Variants in NKAIN2 observed in about 807,000 individuals in gnomAD.
NKAIN2 encodes the protein sodium/potassium transporting ATPase interacting 2.
A neutral mutation model predicts 32.6 loss-of-function variants in NKAIN2; 14 were observed. The ratio of observed to expected loss-of-function variants is 0.43; its 90% confidence interval spans 0.28 to 0.67. The LOEUF (loss-of-function observed/expected upper bound fraction) is 0.67, where lower values mean the gene tolerates loss of function less well. NKAIN2 is among the 30% of genes least tolerant of loss of function. The pLI is 0.17. For synonymous variants in NKAIN2, 80 were observed against 87.2 expected (o/e 0.92, Z 0.46); for missense variants, 198 against 258.3 (o/e 0.77, Z 1.60).
chr6:124,477,180 A>C (rs1777252700), intron 3 of NKAIN2, among the ~76,000 whole-genome samples: 1 of 152,222 alleles, frequency 6.6e-6, no homozygotes, highest in South Asian at 2.1e-4. Context: ...AAGTAAGGAG[A>C]ATATAAGAGC....
intron 1 of NKAIN2, among the ~76,000 whole-genome samples, chr6:124,259,577 G>C (rs1794125738): frequency 6.6e-6 from 1 of 152,152 alleles, no homozygotes; most frequent in Non-Finnish European, 1.5e-5. Context: ...TATTCAGTAA[G>C]TGCTTGCTTT....
intron 1 of NKAIN2, among the ~76,000 whole-genome samples, chr6:124,223,800 C>A (rs1213601499): frequency 6.6e-6 from 1 of 152,124 alleles, no homozygotes; most frequent in African/African-American, 2.4e-5. Flanking sequence ...TCCAGTGAGT[C>A]ATCTGCCTAC....
At position 124,058,832 on chromosome 6, in the gene NKAIN2, T is replaced by G. The variant is rs190296231; in HGVS notation, c.55-224173T>G. On this transcript the variant is annotated intron_variant, in intron 1 of 6. Transcript: ENST00000368417. ...ATAGCCTGCTCACTCATTTGCATAT[T>G]GTCTCTGGCTGCTTTCTTGCTACCG... 2.2e-4 allele frequency among the ~76,000 whole-genome samples: 34 copies of G among 152,258 alleles called. No homozygotes were observed. In the East Asian group the frequency reaches 6.0e-3, roughly 27 times the overall value.
chr6:124,226,245 A>G (rs1378073960), intron 1 of NKAIN2, among the ~76,000 whole-genome samples: 1 of 152,058 alleles, frequency 6.6e-6, no homozygotes, highest in Non-Finnish European at 1.5e-5. Flanking sequence ...TCTTCTAGTG[A>G]TAGACTTCTT....
rs545854454 is a variant in NKAIN2, at chr6:124,047,133, A to T, written c.55-235872A>T. ...CTTTTTTGTTAACCCTTTACAATCC[A>T]ATTACTTTACTGTCCTGGAAGACTC... On this transcript the variant is annotated intron_variant, in intron 1 of 6. Transcript: ENST00000368417. Among the ~76,000 whole-genome samples, 8 of 152,046 alleles carry T rather than the reference A, an allele frequency of 5.3e-5. No homozygotes were observed. In the South Asian group the frequency reaches 8.3e-4, roughly 16 times the overall value.
chr6:124,251,013 A>G (rs939118165), intron 1 of NKAIN2, among the ~76,000 whole-genome samples: 1 of 152,038 alleles, frequency 6.6e-6, no homozygotes, highest in Admixed American at 6.6e-5. Context: ...GAATAAACAC[A>G]GGTAAACTTT....
At chr6:124,015,785 C>G (rs1780541691) in intron 1 of NKAIN2, among the ~76,000 whole-genome samples, 1 of 152,116 alleles carries the variant, frequency 6.6e-6, no homozygotes, top group Non-Finnish European at 1.5e-5. Flanking sequence ...GTGAGCTGTT[C>G]TAGGATTTCC....
chr6:124,805,391 T>G (rs1780497557), intron 5 of NKAIN2, among the ~76,000 whole-genome samples: 2 of 152,182 alleles, frequency 1.3e-5, no homozygotes, highest in African/African-American at 4.8e-5. Flanking sequence ...GGGTCTGGAG[T>G]GGACCTCTAG....
At chr6:123,871,500 C>G (rs1395329065) in intron 1 of NKAIN2, among the ~76,000 whole-genome samples, 1 of 152,174 alleles carries the variant, frequency 6.6e-6, no homozygotes, top group African/African-American at 2.4e-5. Context: ...TCTTTGCCTC[C>G]TCCCCCCAGT....
chr6:124,012,084 T>C (rs1218173941), intron 1 of NKAIN2, among the ~76,000 whole-genome samples: 1 of 151,940 alleles, frequency 6.6e-6, no homozygotes, highest in African/African-American at 2.4e-5. Flanking sequence ...ATGCATATAA[T>C]TAAAGTACAC....
chr6:124,570,213 G>A (rs1781074752), intron 3 of NKAIN2, among the ~76,000 whole-genome samples: 1 of 152,138 alleles, frequency 6.6e-6, no homozygotes, highest in South Asian at 2.1e-4. Flanking sequence ...CATTTTAAAA[G>A]GGAAACAGAG....
At chr6:124,071,383 A>G (rs1783460912) in intron 1 of NKAIN2, among the ~76,000 whole-genome samples, 1 of 152,190 alleles carries the variant, frequency 6.6e-6, no homozygotes, top group Admixed American at 6.5e-5. Flanking sequence ...AAGAAAACCC[A>G]GGAAACATCA....
chr6:124,298,758 A>T (rs1796168916), intron 2 of NKAIN2, among the ~76,000 whole-genome samples: 1 of 151,828 alleles, frequency 6.6e-6, no homozygotes, highest in Admixed American at 6.6e-5. Flanking sequence ...AGGAGAGAAG[A>T]CCCCCCGTGT....
intron 1 of NKAIN2, among the ~76,000 whole-genome samples, chr6:123,866,111 G>A (rs572846686): frequency 1.3e-5 from 2 of 152,200 alleles, no homozygotes; most frequent in South Asian, 2.1e-4. Flanking sequence ...TTTTCCCCAT[G>A]GCAGTTGCAA....
rs1186617691 is a variant in NKAIN2, at chr6:123,976,366, TATTCCC to T, written c.54+172115_54+172120del. On this transcript the variant is annotated intron_variant, in intron 1 of 6. Coordinates refer to ENST00000368417, the MANE Select transcript of NKAIN2 (RefSeq NM_001040214.3). ...ATGTTCCCATATATATATATATATATATTCCCATATATATATATATATATATATATA... is the reference window on the plus strand; with the variant it reads ...ATGTTCCCATATATATATATATATATATATATATATATATATATATATATA... 9.8e-4 allele frequency among the ~76,000 whole-genome samples: 26 copies of T among 26,654 alleles called. 5 individuals carry two copies. Among genetic ancestry groups the T allele is most frequent in the South Asian group, 1.8e-3 (2 of 1,100 alleles). 17.5% of individuals were successfully genotyped at this position (26,654 alleles called of 152,430 possible). A position where few individuals can be genotyped will look rare whatever the true frequency, so the allele number is the denominator to read the frequency against.
At chr6:123,853,806 C>T (rs1351399127) in intron 1 of NKAIN2, among the ~76,000 whole-genome samples, 2 of 148,622 alleles carry the variant, frequency 1.3e-5, no homozygotes, top group African/African-American at 5.0e-5. Flanking sequence ...GAATTTCACT[C>T]TTGTTGCCCA....
intron 3 of NKAIN2, among the ~76,000 whole-genome samples, chr6:124,383,428 A>G (rs1295660273): frequency 6.6e-6 from 1 of 152,144 alleles, no homozygotes; most frequent in African/African-American, 2.4e-5. Flanking sequence ...AATAAAATCA[A>G]ACATCTAGCT....
At chr6:123,849,977 T>TTTTTTTTTTTTTTTTTTG (rs1775260681) in intron 1 of NKAIN2, among the ~76,000 whole-genome samples, 1 of 128,904 alleles carries the variant, frequency 7.8e-6, no homozygotes, top group Non-Finnish European at 1.7e-5. Flanking sequence ...TTTGTTTTTT[T>TTTTTTTTTTTTTTTTTTG]TTTAACTTTC....
chr6:124,574,502 C>T (rs1226717254), intron 3 of NKAIN2, among the ~76,000 whole-genome samples: 2 of 152,106 alleles, frequency 1.3e-5, no homozygotes, highest in African/African-American at 4.8e-5. Context: ...GCTGTAATCC[C>T]AGCTACTCAT....
Sources: gnomAD v4.1 joint callset for allele counts (sites outside exome capture counted in the v4.1 genomes callset) on GRCh38, gnomAD v4.1.1 for gene constraint, MANE v1.5 for transcripts, NCBI Gene and HGNC (gene_info 2026-07-23, HGNC 2026-07-21) for gene names.